GRM5: variants seen among roughly 807,000 people sequenced by gnomAD.
The protein encoded by GRM5 is glutamate metabotropic receptor 5, also known as metabotropic glutamate receptor 5.
A neutral mutation model predicts 83.1 loss-of-function variants in GRM5; 19 were observed. The ratio of observed to expected loss-of-function variants is 0.23; its 90% CI spans 0.16 to 0.34. The LOEUF is 0.34. GRM5 is among the 10% of genes least tolerant of loss of function. The pLI, the probability that GRM5 is intolerant of heterozygous loss-of-function variation, is 1.00. For synonymous variants in GRM5, 675 were observed against 633.6 expected (o/e 1.07, Z -0.98); for missense variants, 1,160 against 1,588.3 (o/e 0.73, Z 4.58).
chr11:88,981,023 G>T (rs1391782658), intron 2 of GRM5, among the ~76,000 whole-genome samples: 1 of 149,336 alleles, frequency 6.7e-6, no homozygotes, highest in Non-Finnish European at 1.5e-5. Flanking sequence ...AAAAAAAAAT[G>T]AGTTTTTTAA....
intron 2 of GRM5, among the ~76,000 whole-genome samples, chr11:89,022,496 A>G (rs1239579303): frequency 6.6e-6 from 1 of 151,916 alleles, no homozygotes. Context: ...CAAAAAAAAA[A>G]AAAAAAATAG....
intron 2 of GRM5, among the ~76,000 whole-genome samples, chr11:88,852,640 A>T (rs571064302): frequency 6.6e-6 from 1 of 152,182 alleles, no homozygotes; most frequent in East Asian, 1.9e-4. Flanking sequence ...AAAAATTTTC[A>T]CTCAATTTTG....
At chr11:88,592,218 G>C (rs888992937) in intron 6 of GRM5, among the ~76,000 whole-genome samples, 4 of 152,170 alleles carry the variant, frequency 2.6e-5, no homozygotes, top group African/African-American at 4.8e-5. Context: ...CTAATGCTCA[G>C]TTTCTTTTAA....
chr11:88,701,400 C>T (rs115284987), intron 3 of GRM5, among the ~76,000 whole-genome samples: 1,614 of 152,160 alleles, frequency 0.011, 32 homozygotes, highest in African/African-American at 0.036. Context: ...ATTAGATAAG[C>T]GATCAAGACA....
At chr11:88,583,461 T>TAA (rs1369084300) in intron 7 of GRM5, among the ~76,000 whole-genome samples, 1 of 152,228 alleles carries the variant, frequency 6.6e-6, no homozygotes, top group Non-Finnish European at 1.5e-5. Context: ...GCTTTGGACT[T>TAA]ACGTAAGATA....
At position 88,567,825 on chromosome 11, in the gene GRM5, T is replaced by A. The variant is rs137939480; in HGVS notation, c.1858A>T (p.Ile620Phe). The change falls in exon 8 of 10, where the codon ATT becomes TTT. Residue 620 changes from isoleucine to phenylalanine, a missense_variant. Physicochemically the swap from Ile to Phe is conservative, Grantham distance 21. This residue lies in a region of GRM5 where 132 missense variants were observed against 245.5 expected (regional missense o/e 0.54). Transcript: ENST00000305447. The surrounding 1 kb of genome is among the most constrained non-coding windows in gnomAD (Gnocchi z 7.3). ...VKSSSRELCY[I>F]ILAGICLGYL... ...CCCAGGCAGATGCCAGCAAGGATAATGTAGCAGAGTTCCCTGCTTGAGGAC... is the reference window on the plus strand; with the variant it reads ...CCCAGGCAGATGCCAGCAAGGATAAAGTAGCAGAGTTCCCTGCTTGAGGAC... The A allele has an allele frequency of 6.2e-7, 1 of 1,614,150 alleles. No individual in the cohort carries two copies. Among genetic ancestry groups the A allele is most frequent in the Non-Finnish European group, 8.5e-7 (1 of 1,179,988 alleles).
intron 2 of GRM5, among the ~76,000 whole-genome samples, chr11:89,010,349 C>G (rs11604416): frequency 0.26 from 39,229 of 152,010 alleles, 6,876 homozygotes; most frequent in Middle Eastern, 0.41. Context: ...AACTGTGTAA[C>G]TTGGTCAAAT....
rs572236611 is a variant in GRM5 at position 89,023,325 on chromosome 11, C to T, written c.661+23887G>A. Among the ~76,000 whole-genome samples the T allele has an allele frequency of 7.9e-5, 12 of 152,206 alleles. No homozygotes were observed. The South Asian group carries it at 2.3e-3, about 29-fold the overall frequency. The stretch of plus-strand genomic sequence containing the variant: ...ATGACCCCCAAACACTCTTCTTCTG[C>T]TCTCTTCTCCATACTTCCCAGACGC... On this transcript the variant is annotated intron_variant, in intron 2 of 9. Coordinates refer to ENST00000305447, the MANE Select transcript of GRM5 (RefSeq NM_001143831.3).
intron 2 of GRM5, among the ~76,000 whole-genome samples, chr11:88,938,722 G>A (rs903216631): frequency 1.3e-5 from 2 of 150,992 alleles, no homozygotes; most frequent in Admixed American, 1.3e-4. Flanking sequence ...CACATAACAG[G>A]GTTCAAGTAA....
intron 3 of GRM5, among the ~76,000 whole-genome samples, chr11:88,696,844 T>A (rs1317492850): frequency 6.6e-6 from 1 of 152,166 alleles, no homozygotes; most frequent in African/African-American, 2.4e-5. Context: ...ATGGAAGAAA[T>A]CTTTGATAAC....
At chr11:88,641,343 G>A (rs1370146342) in intron 4 of GRM5, among the ~76,000 whole-genome samples, 1 of 151,662 alleles carries the variant, frequency 6.6e-6, no homozygotes, top group African/African-American at 2.4e-5. Context: ...CAACACTGGG[G>A]ATTACAATTT....
intron 3 of GRM5, among the ~76,000 whole-genome samples, chr11:88,821,373 A>C (rs1281045919): frequency 6.6e-6 from 1 of 151,424 alleles, no homozygotes; most frequent in East Asian, 1.9e-4. Context: ...GAAAAAAGAA[A>C]AAAAAAAAAG....
At chr11:89,001,011 C>T (rs563846095) in intron 2 of GRM5, among the ~76,000 whole-genome samples, 1 of 151,810 alleles carries the variant, frequency 6.6e-6, no homozygotes, top group South Asian at 2.1e-4. Flanking sequence ...AGCACTATAC[C>T]CTTAGCAGGA....
intron 9 of GRM5, among the ~76,000 whole-genome samples, chr11:88,510,979 A>C (rs1242854279): frequency 6.6e-6 from 1 of 152,196 alleles, no homozygotes; most frequent in East Asian, 1.9e-4. Flanking sequence ...GTTGAAGACT[A>C]CAGTTTTATC....
intron 2 of GRM5, among the ~76,000 whole-genome samples, chr11:89,036,858 T>C (rs1341696906): frequency 6.6e-6 from 1 of 152,084 alleles, no homozygotes; most frequent in African/African-American, 2.4e-5. Flanking sequence ...TTAAACTACT[T>C]TTATAATACT....
At chr11:88,798,063 CT>C (rs1943316089) in intron 3 of GRM5, among the ~76,000 whole-genome samples, 1 of 152,118 alleles carries the variant, frequency 6.6e-6, no homozygotes, top group African/African-American at 2.4e-5. Context: ...CTCCTGTCTG[CT>C]CTTTCTCCTT....
intron 9 of GRM5, chr11:88,512,411 C>T (rs902781081): frequency 1.9e-5 from 3 of 153,996 alleles, no homozygotes; most frequent in Admixed American, 6.6e-5. Flanking sequence ...TAAATGAGAA[C>T]TCTTAAGAAA....
At chr11:88,848,310 C>G (rs1319090457) in intron 3 of GRM5, among the ~76,000 whole-genome samples, 1 of 152,034 alleles carries the variant, frequency 6.6e-6, no homozygotes, top group Non-Finnish European at 1.5e-5. Flanking sequence ...CCAAAATAGC[C>G]CCATCAATCT....
chr11:88,968,456 G>A (rs1243433469), intron 2 of GRM5, among the ~76,000 whole-genome samples: 1 of 152,090 alleles, frequency 6.6e-6, no homozygotes, highest in East Asian at 1.9e-4. Flanking sequence ...GCCAACTTAG[G>A]AGGATTACTT....
Sources: gnomAD v4.1 joint callset for allele counts (sites outside exome capture counted in the v4.1 genomes callset) on GRCh38, gnomAD v4.1.1 for gene constraint, gnomAD v4.1.1 regional missense constraint, Gnocchi (gnomAD v3.1) non-coding constraint, MANE v1.5 for transcripts, NCBI Gene and HGNC (gene_info 2026-07-23, HGNC 2026-07-21) for gene names.